The following TBC1D7 variants were observed in gnomAD, a reference collection of about 807,000 sequenced individuals.
The protein encoded by TBC1D7 is TBC1 domain family member 7.
A neutral mutation model predicts 35.3 loss-of-function variants in TBC1D7; 33 were observed. The ratio of observed to expected loss-of-function variants is 0.93; its 90% CI spans 0.71 to 1.25. The LOEUF (loss-of-function observed/expected upper bound fraction) is 1.25. Ranked by LOEUF, TBC1D7 falls within the 50% of genes most tolerant of loss-of-function variation. TBC1D7 has a pLI of 0.00. For synonymous variants in TBC1D7, 135 were observed against 129.5 expected, an observed-to-expected ratio of 1.04 and a Z score of -0.29; for missense variants, 362 against 365.3, an observed-to-expected ratio of 0.99 and a Z score of 0.07.
Position 13,320,951 on chromosome 6 carries a change from T to C in TBC1D7, c.338A>G (p.Gln113Arg). The C allele has an allele frequency of 6.2e-7, 1 of 1,614,166 alleles. No individual in the cohort carries two copies. The highest frequency in any genetic ancestry group is 1.1e-5 in the South Asian group (1 of 91,076). The part of the protein sequence containing the change: ...PQAEVYLRMY[Q>R]LESGKLPRSP... The stretch of plus-strand genomic sequence containing the variant: ...TCGAGGTAACTTCCCAGACTCCAGC[T>C]GATACATGCGGAGATAGACTTCAGC... Residue 113 changes from glutamine (Q) to arginine (R), a missense_variant, in exon 4 of 8, where the codon CAG becomes CGG. Coordinates refer to ENST00000379300, the MANE Select transcript of TBC1D7 (RefSeq NM_016495.6).
At chr6:13,326,320 A>C (rs1393610908) in intron 2 of TBC1D7, among the ~76,000 whole-genome samples, 1 of 152,052 alleles carries the variant, frequency 6.6e-6, no homozygotes, top group Admixed American at 6.6e-5. Context: ...AAAAATAGCC[A>C]GGCATGGTGG....
chr6:13,315,710 C>T (rs1023431366), intron 5 of TBC1D7, among the ~76,000 whole-genome samples: 1 of 152,038 alleles, frequency 6.6e-6, no homozygotes, highest in African/African-American at 2.4e-5. Flanking sequence ...GCATGAGACT[C>T]CATCTCAAAA....
intron 5 of TBC1D7, among the ~76,000 whole-genome samples, chr6:13,308,633 A>T (rs1268434234): frequency 6.6e-6 from 1 of 152,052 alleles, no homozygotes; most frequent in Non-Finnish European, 1.5e-5. Flanking sequence ...CACTATCTGC[A>T]GGAGTACAAC....
At chr6:13,309,994 T>C (rs1562158919) in intron 5 of TBC1D7, among the ~76,000 whole-genome samples, 1 of 152,204 alleles carries the variant, frequency 6.6e-6, no homozygotes, top group Admixed American at 6.5e-5. Flanking sequence ...ACTGCCTACC[T>C]ATCAGAATGG....
chr6:13,305,208 C>G (rs760636845), intron 7 of TBC1D7, 21 bp from the exon 8 acceptor site: 2 of 1,613,424 alleles, frequency 1.2e-6, no homozygotes, highest in East Asian at 4.5e-5. Context: ...GCAAATCAGT[C>G]TTTGTGAAAT....
chr6:13,325,215 T>C (rs756107623), intron 2 of TBC1D7, 41 bp from the exon 3 acceptor site: 1 of 1,407,678 alleles, frequency 7.1e-7, no homozygotes, highest in South Asian at 1.2e-5. Flanking sequence ...CTTTTCATGC[T>C]GATCACAGTA....
chr6:13,317,897 G>A (rs373757903), intron 4 of TBC1D7, among the ~76,000 whole-genome samples: 100 of 152,354 alleles, frequency 6.6e-4, no homozygotes, highest in African/African-American at 2.2e-3. Flanking sequence ...TGTCCCCTCC[G>A]AAACTTATGT....
intron 4 of TBC1D7, among the ~76,000 whole-genome samples, chr6:13,317,868 G>A: frequency 6.6e-6 from 1 of 152,238 alleles, no homozygotes; most frequent in East Asian, 1.9e-4. Flanking sequence ...CGCTAAGTAG[G>A]TGCTACGGTT....
chr6:13,313,612 T>C (rs2439545), intron 5 of TBC1D7, among the ~76,000 whole-genome samples: 43,462 of 152,124 alleles, frequency 0.29, 6,420 homozygotes, highest in South Asian at 0.46. Flanking sequence ...TCAGTATGGA[T>C]CTCTTAGGTT....
intron 5 of TBC1D7, among the ~76,000 whole-genome samples, chr6:13,308,725 C>T (rs1459500483): frequency 2.0e-5 from 3 of 152,220 alleles, no homozygotes; most frequent in African/African-American, 7.2e-5. Context: ...AGAGGAGATT[C>T]ATCACCTTTA....
intron 5 of TBC1D7, among the ~76,000 whole-genome samples, chr6:13,309,936 C>T (rs1783075896): frequency 6.6e-6 from 1 of 152,140 alleles, no homozygotes; most frequent in Non-Finnish European, 1.5e-5. Flanking sequence ...ACATGCTCAA[C>T]CTTGCTTACA....
Position 13,321,317 on chromosome 6 carries a change from T to A in TBC1D7, c.194-222A>T, listed in dbSNP as rs371973492. ...TTTGAGTGCTGATGCATCACTGATATGAGAGAGAAATGAAACAACACTGGC... is the reference window on the plus strand; with the variant it reads ...TTTGAGTGCTGATGCATCACTGATAAGAGAGAGAAATGAAACAACACTGGC... On this transcript the variant is annotated intron_variant, in intron 3 of 7. Transcript: ENST00000379300. Among the ~76,000 whole-genome samples the A allele has an allele frequency of 3.9e-5, 6 of 152,302 alleles. No homozygotes were observed. In the South Asian group the frequency reaches 1.2e-3, roughly 32 times the overall value.
intron 3 of TBC1D7, among the ~76,000 whole-genome samples, chr6:13,324,868 C>G (rs111321650): frequency 5.9e-5 from 9 of 152,240 alleles, no homozygotes; most frequent in African/African-American, 2.2e-4. Flanking sequence ...ATTTCTCCTA[C>G]TCCAATGCTC....
chr6:13,319,856 C>T (rs536955155), intron 4 of TBC1D7: 14 of 152,270 alleles, frequency 9.2e-5, no homozygotes, highest in Admixed American at 5.2e-4. Context: ...TAAAGTGTCT[C>T]CCCACAAAGA....
intron 4 of TBC1D7, chr6:13,320,218 C>A (rs1783931438): frequency 6.5e-6 from 1 of 154,732 alleles, no homozygotes; most frequent in African/African-American, 2.4e-5. Flanking sequence ...CAGTGCAATG[C>A]CTAAACCAGG....
chr6:13,315,618 A>G (rs1434525039), intron 5 of TBC1D7, among the ~76,000 whole-genome samples: 1 of 152,164 alleles, frequency 6.6e-6, no homozygotes, highest in African/African-American at 2.4e-5. Flanking sequence ...TTGGGAGGCT[A>G]AAGCAGGAGA....
intron 3 of TBC1D7, 97 bp from the exon 4 acceptor site, chr6:13,321,192 A>T: frequency 1.0e-6 from 1 of 984,230 alleles, no homozygotes. Flanking sequence ...AGCGACCCAC[A>T]CAATTAGGCT....
intron 3 of TBC1D7, among the ~76,000 whole-genome samples, chr6:13,324,419 C>T (rs749729022): frequency 2.0e-5 from 3 of 152,026 alleles, no homozygotes; most frequent in Non-Finnish European, 4.4e-5. Context: ...TGAGCCACCG[C>T]GCCCAGCCAA....
At chr6:13,318,303 C>T (rs528783180) in intron 4 of TBC1D7, 4 of 152,284 alleles carry the variant, frequency 2.6e-5, no homozygotes, top group South Asian at 4.1e-4. Flanking sequence ...GACTGGGAGA[C>T]GTGGGATGGC....
Sources: allele counts gnomAD v4.1 joint callset (sites outside exome capture counted in the v4.1 genomes callset), GRCh38; gene constraint gnomAD v4.1.1; transcripts MANE v1.5; gene names NCBI Gene and HGNC (gene_info 2026-07-23, HGNC 2026-07-21).